DYNC1H1: variants seen among roughly 807,000 people sequenced by gnomAD.
DYNC1H1 encodes the protein cytoplasmic dynein 1 heavy chain 1.
In DYNC1H1, 51 loss-of-function variants were observed where a neutral mutation model predicts 527.1. The ratio of observed to expected loss-of-function variants is 0.10; its 90% CI spans 0.08 to 0.12. The LOEUF (loss-of-function observed/expected upper bound fraction) is 0.12. DYNC1H1 is among the 10% of genes least tolerant of loss of function. The pLI is 1.00. For synonymous variants in DYNC1H1, 2,189 were observed against 2,278.8 expected, an observed-to-expected ratio of 0.96 and a Z score of 1.12; for missense variants, 2,771 against 5,971.8, an observed-to-expected ratio of 0.46 and a Z score of 17.66.
rs536121075 is a variant in DYNC1H1 at position 102,047,962 on chromosome 14, G to A, written c.13152G>A (p.Ala4384=). The A allele has an allele frequency of 5.8e-5, 93 of 1,612,930 alleles. No individual in the cohort carries two copies. In the East Asian group the frequency reaches 1.3e-3, roughly 23 times the overall value. ...GGATGCGGACACTGCACACCACCGC[G>A]TCCAACTGGCTGCACCTCATCCCCC... ...PAWMRTLHTT[A]SNWLHLIPQT... is the part of the protein sequence containing the mutation. The change falls in exon 73 of 78, where the codon GCG becomes GCA. Residue 4384 remains alanine (A), a synonymous_variant. Transcript: ENST00000360184.
intron 72 of DYNC1H1, among the ~76,000 whole-genome samples, chr14:102,046,276 C>T (rs1309238674): frequency 3.9e-5 from 6 of 152,224 alleles, no homozygotes; most frequent in Admixed American, 1.3e-4. Context: ...AAGCACTACA[C>T]GTGGGGTTGA....
rs150430264 is a variant in DYNC1H1 at position 101,994,443 on chromosome 14, C to A, written c.3156+119C>A. 71 of 1,480,622 alleles carry A rather than the reference C, an allele frequency of 4.8e-5. No homozygotes were observed. The Admixed American group carries it at 1.3e-3, about 26-fold the overall frequency. 91.7% of individuals were successfully genotyped at this position (1,480,622 alleles called of 1,614,324 possible). On this transcript the variant is annotated intron_variant, in intron 12 of 77. Coordinates refer to ENST00000360184, the MANE Select transcript of DYNC1H1 (RefSeq NM_001376.5). ...GACTGTATGTATGGTTCACTAGATA[C>A]TATTTGCTGTTTCAAAGCAGAGAGT...
Position 102,005,262 on chromosome 14 carries a change from T to G in DYNC1H1, c.5433+26T>G, listed in dbSNP as rs1595611538. On this transcript the variant is annotated intron_variant, in intron 26 of 77. Transcript: ENST00000360184. The surrounding 1 kb of genome is among the most constrained non-coding windows in gnomAD (Gnocchi z 4.0). Reference sequence around the variant, plus strand: ...GTTAGTCTCACACCTGACTCCTTCCTTACCAGTTAGACTCTTACACCCTCA... The same window carrying G: ...GTTAGTCTCACACCTGACTCCTTCCGTACCAGTTAGACTCTTACACCCTCA... The G allele has an allele frequency of 6.2e-7, 1 of 1,613,718 alleles. No individual in the cohort carries two copies. The highest frequency in any genetic ancestry group is 2.2e-5 in the East Asian group (1 of 44,878).
rs935024621 is a variant in DYNC1H1, at chr14:102,034,172, A to G, written c.10610A>G (p.Gln3537Arg). Residue 3537 changes from glutamine to arginine, a missense_variant, in exon 55 of 78, where the codon CAG (glutamine) becomes CGG (arginine). Around this residue, in one of 32 missense-constraint regions of DYNC1H1, gnomAD observed 283 missense variants for 737.6 expected, o/e 0.38. Coordinates refer to ENST00000360184, the MANE Select transcript of DYNC1H1 (RefSeq NM_001376.5). ...NLFTTWSHHL[Q>R]QANIQFRTDI... ...TTCACTACCTGGTCCCATCACCTAC[A>G]GCAAGCCAACATCCAGGTGAGAATC... 6.2e-7 allele frequency: 1 copy of G among 1,614,082 alleles called. No individual in the cohort carries two copies. Among genetic ancestry groups the G allele is most frequent in the Non-Finnish European group, 8.5e-7 (1 of 1,180,052 alleles).
Position 102,041,315 on chromosome 14 carries a change from G to T in DYNC1H1, c.11942-259G>T. The T allele has an allele frequency of 1.9e-6, 1 of 537,486 alleles. No homozygotes were observed. The highest frequency in any genetic ancestry group is 3.4e-6 in the Non-Finnish European group (1 of 296,756). The allele number at this position is 537,486 out of a possible 1,614,324, so 33.3% of individuals were successfully genotyped here. ...TTCAGGTGTTCTCAGGAAGTGAGCA[G>T]GTATTAGTTTAGTAATCTAAAAATC... On this transcript the variant is annotated intron_variant, in intron 64 of 77. Transcript: ENST00000360184. This position sits in a 1 kb window ranked among gnomAD's most constrained non-coding sequence, Gnocchi z 4.5.
chr14:102,026,815 G>GCCTTCTCCAACAAGCAGCTTCCC, intron 44 of DYNC1H1, 108 bp downstream of exon 44: 1 of 1,496,912 alleles, frequency 6.7e-7, no homozygotes, highest in Non-Finnish European at 9.1e-7. Context: ...CTCCACCTCA[G>GCCTTCTCCAACAAGCAGCTTCCC]CCTTCTCCAC....
In DYNC1H1 at chr14:102,016,436, A is replaced by G; in HGVS notation, c.7561A>G (p.Ile2521Val). ...RAELGEYIRR[I>V]TTVPLPTAPN... Reference sequence around the variant, plus strand: ...AGAGCTGGGTGAATACATCAGAAGAATCACGACCGTGCCTCTGCCCACTGC... The same window carrying G: ...AGAGCTGGGTGAATACATCAGAAGAGTCACGACCGTGCCTCTGCCCACTGC... Residue 2521 changes from isoleucine to valine, a missense_variant, in exon 37 of 78, where the codon ATC becomes GTC. Transcript: ENST00000360184. The surrounding 1 kb of genome is among the most constrained non-coding windows in gnomAD (Gnocchi z 7.3). 1 of 1,614,218 alleles carries G rather than the reference A, an allele frequency of 6.2e-7. No homozygotes were observed. Among genetic ancestry groups the G allele is most frequent in the South Asian group, 1.1e-5 (1 of 91,088 alleles).
chr14:102,013,938 A>T (rs1403382946), intron 34 of DYNC1H1, among the ~76,000 whole-genome samples: 4 of 152,164 alleles, frequency 2.6e-5, no homozygotes, highest in African/African-American at 9.7e-5. Flanking sequence ...ATCAAGGATG[A>T]TGCGAGGTTT....
chr14:102,053,595 CCCA>C lies in DYNC1H1; in HGVS notation c.*3039_*3041del, dbSNP rs1220565321. The C allele has an allele frequency of 6.6e-6, 1 of 151,978 alleles. No individual in the cohort carries two copies. Among genetic ancestry groups the C allele is most frequent in the Admixed American group, 6.6e-5 (1 of 15,230 alleles). The allele number at this position is 151,978 out of a possible 1,614,324, so 9.4% of individuals were successfully genotyped here. On this transcript the variant is annotated 3_prime_UTR_variant, in exon 78 of 78. Transcript: ENST00000360184. ...TCCCAAGTAGCTGGGACTACAGGCG[CCCA>C]CCACCAAGCCCGGCTAATTTTTTGG... is the stretch of plus-strand genomic sequence containing the variant.
Position 102,038,297 on chromosome 14 carries a change from C to A in DYNC1H1, c.10909-163C>A. Reference sequence around the variant, plus strand: ...TCTGGCTGAGTTTTTAATTTTAGTTCATTTAAATGTAAGTAGCCACACATA... The same window carrying A: ...TCTGGCTGAGTTTTTAATTTTAGTTAATTTAAATGTAAGTAGCCACACATA... On this transcript the variant is annotated intron_variant, in intron 57 of 77. Transcript: ENST00000360184. The surrounding 1 kb of genome is among the most constrained non-coding windows in gnomAD (Gnocchi z 7.2). 1 of 1,207,484 alleles carries A rather than the reference C, an allele frequency of 8.3e-7. No homozygotes were observed. The highest frequency in any genetic ancestry group is 1.2e-6 in the Non-Finnish European group (1 of 851,190). 74.8% of individuals were successfully genotyped at this position (1,207,484 alleles called of 1,614,324 possible). A position where few individuals can be genotyped will look rare whatever the true frequency, so the allele number is the denominator to read the frequency against.
rs1483286287 is a variant in DYNC1H1, at chr14:102,032,483, T to C, written c.10079+16T>C. 6.2e-7 allele frequency: 1 copy of C among 1,613,890 alleles called. No homozygotes were observed. The highest frequency in any genetic ancestry group is 2.2e-5 in the East Asian group (1 of 44,898). ...AGGAGATCAGGTGAGAAAGTGGAAG[T>C]GCCAAGGTATTGCCAGAAATTGAAA... is the stretch of plus-strand genomic sequence containing the variant. On this transcript the variant is annotated intron_variant, in intron 52 of 77. Coordinates refer to ENST00000360184, the MANE Select transcript of DYNC1H1 (RefSeq NM_001376.5).
At position 102,041,994 on chromosome 14, in the gene DYNC1H1, C is replaced by G; in HGVS notation, c.12103-19C>G. 1.2e-6 allele frequency: 2 copies of G among 1,612,926 alleles called. No individual in the cohort carries two copies. Among genetic ancestry groups the G allele is most frequent in the Non-Finnish European group, 1.7e-6 (2 of 1,178,926 alleles). ...CTATTTGCTGGCACTGTAATAACTT[C>G]TGCCTTCTTTGTTTGCAGGTGAAGC... On this transcript the variant is annotated intron_variant, in intron 65 of 77. Coordinates refer to ENST00000360184, the MANE Select transcript of DYNC1H1 (RefSeq NM_001376.5). This position sits in a 1 kb window ranked among gnomAD's most constrained non-coding sequence, Gnocchi z 4.5.
rs1595599366 is a variant in DYNC1H1 at position 101,983,535 on chromosome 14, C to T, written c.1387C>T (p.Leu463Phe). The T allele has an allele frequency of 6.2e-7, 1 of 1,614,174 alleles. No homozygotes were observed. Among genetic ancestry groups the T allele is most frequent in the Non-Finnish European group, 8.5e-7 (1 of 1,180,034 alleles). Residue 463 changes from leucine to phenylalanine, a missense_variant, in exon 7 of 78, where the codon CTT becomes TTT. By Grantham distance (22) the Leu-to-Phe change is conservative. Coordinates refer to ENST00000360184, the MANE Select transcript of DYNC1H1 (RefSeq NM_001376.5). This position sits in a 1 kb window ranked among gnomAD's most constrained non-coding sequence, Gnocchi z 5.3. ...TGCCCACAGGAAGCTGCAGGCCCGCCTTGACCAGATGAGAAAATTTAGACG... is the reference window on the plus strand; with the variant it reads ...TGCCCACAGGAAGCTGCAGGCCCGCTTTGACCAGATGAGAAAATTTAGACG... ...NPAHRKLQAR[L>F]DQMRKFRRQH...
chr14:102,022,531 T>TGTAA (rs779727528), intron 42 of DYNC1H1, among the ~76,000 whole-genome samples: 2 of 149,830 alleles, frequency 1.3e-5, no homozygotes, highest in Non-Finnish European at 3.0e-5. Flanking sequence ...AGTGAGACTC[T>TGTAA]GTAAGTAAGT....
chr14:102,008,490 GA>G (rs1456896050), intron 29 of DYNC1H1, among the ~76,000 whole-genome samples, 153 bp downstream of exon 29: 3 of 152,178 alleles, frequency 2.0e-5, no homozygotes, highest in Non-Finnish European at 4.4e-5. Context: ...GTTAAAGACG[GA>G]AGGTAAGAAA....
At chr14:102,008,409 C>A in intron 29 of DYNC1H1, 72 bp downstream of exon 29, 1 of 1,564,920 alleles carries the variant, frequency 6.4e-7, no homozygotes, top group Non-Finnish European at 8.7e-7. Flanking sequence ...AATTTTCTAC[C>A]TCTTGGATTA....
chr14:101,994,240 A>G lies in DYNC1H1; in HGVS notation c.3072A>G (p.Thr1024=). ...AGAAATTCTATCGGAATGCTTTAAC[A>G]CGGATGCCTGATGGCCCTGTTGCCC... is the stretch of plus-strand genomic sequence containing the variant. ...EEEKFYRNAL[T]RMPDGPVALE... Residue 1024 remains threonine, a synonymous_variant, in exon 12 of 78, where the codon ACA becomes ACG. Transcript: ENST00000360184. 1 of 1,614,196 alleles carries G rather than the reference A, an allele frequency of 6.2e-7. No individual in the cohort carries two copies. The highest frequency in any genetic ancestry group is 1.1e-5 in the South Asian group (1 of 91,088).
intron 42 of DYNC1H1, 106 bp from the exon 43 acceptor site, chr14:102,022,645 G>T: frequency 6.6e-7 from 1 of 1,513,444 alleles, no homozygotes; most frequent in African/African-American, 1.4e-5. Flanking sequence ...GATAAAGACT[G>T]ACTGCATCCT....
In DYNC1H1 at chr14:102,005,258, T is replaced by G; in HGVS notation, c.5433+22T>G. On this transcript the variant is annotated intron_variant, in intron 26 of 77. Transcript: ENST00000360184. The surrounding 1 kb of genome is among the most constrained non-coding windows in gnomAD (Gnocchi z 4.0). ...CTTGGTTAGTCTCACACCTGACTCC[T>G]TCCTTACCAGTTAGACTCTTACACC... 6.2e-7 allele frequency: 1 copy of G among 1,614,002 alleles called. No homozygotes were observed. The highest frequency in any genetic ancestry group is 8.5e-7 in the Non-Finnish European group (1 of 1,179,956).
Sources: allele counts gnomAD v4.1 joint callset (sites outside exome capture counted in the v4.1 genomes callset), GRCh38; gene constraint gnomAD v4.1.1; regional missense constraint gnomAD v4.1.1; non-coding constraint Gnocchi (gnomAD v3.1); transcripts MANE v1.5; gene names NCBI Gene and HGNC (gene_info 2026-07-23, HGNC 2026-07-21).